Variants in YTHDC2 observed in about 807,000 individuals in gnomAD.
YTHDC2 encodes 3'-5' RNA helicase YTHDC2.
YTHDC2 carries 45 observed loss-of-function variants against 174.9 expected under a neutral mutation model. That is an observed-to-expected ratio of 0.26 (90% confidence interval 0.20 to 0.33). The LOEUF is 0.33. Ranked by LOEUF, YTHDC2 falls within the 10% of genes least tolerant of loss-of-function variation. The pLI is 1.00. For synonymous variants in YTHDC2, 657 were observed against 574.5 expected (o/e 1.14, Z -2.05); for missense variants, 1,650 against 1,723.7 (o/e 0.96, Z 0.76).
Position 113,581,537 on chromosome 5 carries a change from G to C in YTHDC2, c.3475G>C (p.Val1159Leu), listed in dbSNP as rs1178750600. 1.2e-6 allele frequency: 2 copies of C among 1,613,912 alleles called. No homozygotes were observed. Among genetic ancestry groups the C allele is most frequent in the Non-Finnish European group, 1.7e-6 (2 of 1,179,912 alleles). ...AGCTACCATAAGAGCAATTATAGCT[G>C]TTTTAAGCACTGAAGAACAGTCTGC... The part of the protein sequence containing the change: ...DEATIRAIIA[V>L]LSTEEQSAGL... Residue 1159 changes from valine to leucine, a missense_variant, in exon 25 of 30, where the codon GTT becomes CTT. This residue lies in a region of YTHDC2 where 913 missense variants were observed against 940.4 expected (regional missense o/e 0.97). Transcript: ENST00000161863.
At chr5:113,548,352 C>T (rs564665385) in intron 10 of YTHDC2, among the ~76,000 whole-genome samples, 189 bp from the exon 11 acceptor site, 20 of 152,244 alleles carry the variant, frequency 1.3e-4, no homozygotes, top group Non-Finnish European at 1.5e-5. Flanking sequence ...TTACACTAGA[C>T]ATATCATAAC....
chr5:113,523,919 C>T (rs1220762194), intron 2 of YTHDC2, among the ~76,000 whole-genome samples: 1 of 151,764 alleles, frequency 6.6e-6, no homozygotes, highest in African/African-American at 2.4e-5. Context: ...TAACAAATGG[C>T]AAAACATTTT....
At chr5:113,533,125 G>A in intron 5 of YTHDC2, 80 bp downstream of exon 5, 2 of 1,490,414 alleles carry the variant, frequency 1.3e-6, no homozygotes, top group Non-Finnish European at 1.8e-6. Context: ...TAGAGGATGT[G>A]TTCGTTGAAA....
At chr5:113,562,768 G>A (rs1444373853) in intron 18 of YTHDC2, among the ~76,000 whole-genome samples, 2 of 152,084 alleles carry the variant, frequency 1.3e-5, no homozygotes, top group African/African-American at 4.8e-5. Context: ...AAAACTATCT[G>A]TAACTTCCCA....
chr5:113,526,521 T>G, intron 3 of YTHDC2, 65 bp from the exon 4 acceptor site: 2 of 1,377,662 alleles, frequency 1.5e-6, no homozygotes, highest in Non-Finnish European at 1.9e-6. Flanking sequence ...AAAAAATTAC[T>G]TATTTTTAAC....
chr5:113,547,461 C>G (rs1370282413), intron 10 of YTHDC2, among the ~76,000 whole-genome samples: 4 of 152,222 alleles, frequency 2.6e-5, no homozygotes, highest in African/African-American at 9.6e-5. Flanking sequence ...GTAAAATGCA[C>G]AAAACCAAGA....
At chr5:113,517,945 G>T (rs111964009) in intron 2 of YTHDC2, among the ~76,000 whole-genome samples, 49,316 of 151,636 alleles carry the variant, frequency 0.33, 9,915 homozygotes, top group East Asian at 0.57. Flanking sequence ...CTGGAGTGCA[G>T]TGGTACAATC....
At chr5:113,536,464 G>T (rs1775081144) in intron 7 of YTHDC2, among the ~76,000 whole-genome samples, 2 of 152,202 alleles carry the variant, frequency 1.3e-5, no homozygotes, top group Admixed American at 1.3e-4. Context: ...GGCGGAGCTT[G>T]CAGTGAGCTG....
chr5:113,545,626 C>G (rs563984390), intron 10 of YTHDC2, among the ~76,000 whole-genome samples: 8 of 152,090 alleles, frequency 5.3e-5, no homozygotes, highest in African/African-American at 1.9e-4. Flanking sequence ...CTTCTGGGCT[C>G]AAGCGACCTG....
chr5:113,588,633 T>C (rs959921104), intron 26 of YTHDC2, among the ~76,000 whole-genome samples: 2 of 151,076 alleles, frequency 1.3e-5, no homozygotes, highest in African/African-American at 4.9e-5. Context: ...TTTATATTAT[T>C]TTTTTTTGAG....
intron 18 of YTHDC2, among the ~76,000 whole-genome samples, chr5:113,562,494 C>T (rs965392453): frequency 1.3e-5 from 2 of 152,108 alleles, no homozygotes; most frequent in African/African-American, 4.8e-5. Flanking sequence ...TCTGTTCCTC[C>T]TGGGAGAAAA....
In YTHDC2 at chr5:113,570,182, C is replaced by T. The variant is rs548660743; in HGVS notation, c.3244+2333C>T. 3.9e-5 allele frequency among the ~76,000 whole-genome samples: 6 copies of T among 152,100 alleles called. No individual in the cohort carries two copies. The East Asian group carries it at 5.8e-4, about 15-fold the overall frequency. The stretch of plus-strand genomic sequence containing the variant: ...CACAATCTCAGCTCACTGTAACCTC[C>T]GCCTCCTGGGTTCAAGCAATTCTCC... On this transcript the variant is annotated intron_variant, in intron 23 of 29. Transcript: ENST00000161863.
At chr5:113,576,021 C>T (rs1178919128) in intron 23 of YTHDC2, among the ~76,000 whole-genome samples, 3 of 152,096 alleles carry the variant, frequency 2.0e-5, no homozygotes, top group East Asian at 1.9e-4. Context: ...ATTCAGAAAA[C>T]GAAGGAGCAA....
At chr5:113,543,047 A>G (rs1309760991) in intron 10 of YTHDC2, among the ~76,000 whole-genome samples, 1 of 152,180 alleles carries the variant, frequency 6.6e-6, no homozygotes, top group Non-Finnish European at 1.5e-5. Context: ...CTAGGTCTCA[A>G]TCCTTAAGAC....
intron 26 of YTHDC2, among the ~76,000 whole-genome samples, chr5:113,584,773 CTT>C (rs34217644): frequency 2.9e-4 from 28 of 95,708 alleles, no homozygotes; most frequent in African/African-American, 8.8e-4. Flanking sequence ...CTTTCGAATC[CTT>C]TTTTTTTTTT....
At chr5:113,587,535 A>G (rs553039769) in intron 26 of YTHDC2, among the ~76,000 whole-genome samples, 1 of 140,146 alleles carries the variant, frequency 7.1e-6, no homozygotes, top group African/African-American at 2.6e-5. Context: ...TTATGTATTT[A>G]TATATTAATA....
At chr5:113,526,824 A>ATAT (rs1412273268) in intron 4 of YTHDC2, 39 bp downstream of exon 4, 47 of 289,872 alleles carry the variant, frequency 1.6e-4, no homozygotes, top group South Asian at 6.8e-4. Flanking sequence ...AAAAAAAAAA[A>ATAT]AAATATATAT....
intron 23 of YTHDC2, among the ~76,000 whole-genome samples, chr5:113,575,501 A>G (rs1777983495): frequency 6.6e-6 from 1 of 152,206 alleles, no homozygotes; most frequent in Admixed American, 6.5e-5. Context: ...TGAGACCTAC[A>G]ATATGAGAAG....
chr5:113,537,565 C>T (rs577949598), intron 7 of YTHDC2, among the ~76,000 whole-genome samples: 4 of 149,794 alleles, frequency 2.7e-5, no homozygotes, highest in Admixed American at 2.7e-4. Context: ...CTGTTCGTTC[C>T]GTCTTCCTTC....
Sources: allele counts gnomAD v4.1 joint callset (sites outside exome capture counted in the v4.1 genomes callset), GRCh38; gene constraint gnomAD v4.1.1; regional missense constraint gnomAD v4.1.1; transcripts MANE v1.5; gene names NCBI Gene and HGNC (gene_info 2026-07-23, HGNC 2026-07-21).